PCDHA3: variants seen among roughly 807,000 people sequenced by gnomAD.
PCDHA3 encodes the protein protocadherin alpha-3.
A neutral mutation model predicts 62.2 loss-of-function variants in PCDHA3; 41 were observed. That is an observed-to-expected ratio of 0.66 (90% CI 0.51 to 0.86). The LOEUF is 0.86. PCDHA3 is among the 40% of genes least tolerant of loss of function. PCDHA3 has a pLI of 0.00. For synonymous variants in PCDHA3, 640 were observed against 555.4 expected, an observed-to-expected ratio of 1.15 and a Z score of -2.14; for missense variants, 1,304 against 1,241.2, an observed-to-expected ratio of 1.05 and a Z score of -0.76.
Position 141,010,072 on chromosome 5 carries a change from C to T in PCDHA3, c.*135C>T. The T allele has an allele frequency of 3.1e-6, 5 of 1,606,334 alleles. No individual in the cohort carries two copies. The highest frequency in any genetic ancestry group is 4.3e-6 in the Non-Finnish European group (5 of 1,176,104). On this transcript the variant is annotated 3_prime_UTR_variant, in exon 4 of 4. Transcript: ENST00000522353. Reference sequence around the variant, plus strand: ...ACCTCAGAAATCTGCAGAAAGTTCCCTGTGTCTGTCTAGAACGCATTTAAC... The same window carrying T: ...ACCTCAGAAATCTGCAGAAAGTTCCTTGTGTCTGTCTAGAACGCATTTAAC...
intron 1 of PCDHA3, chr5:140,875,665 C>A: frequency 6.2e-7 from 1 of 1,613,748 alleles, no homozygotes; most frequent in Non-Finnish European, 8.5e-7. Flanking sequence ...GCGCCTGTTC[C>A]GGGTGGCGTC....
At chr5:140,840,247 T>C (rs1554137745) in intron 1 of PCDHA3, among the ~76,000 whole-genome samples, 1 of 152,032 alleles carries the variant, frequency 6.6e-6, no homozygotes, top group African/African-American at 2.4e-5. Context: ...CACTATGCTA[T>C]AAAAATTGTG....
At chr5:141,004,054 G>A (rs2098150015) in intron 3 of PCDHA3, among the ~76,000 whole-genome samples, 1 of 152,216 alleles carries the variant, frequency 6.6e-6, no homozygotes, top group Admixed American at 6.5e-5. Flanking sequence ...TGCTGATACT[G>A]GCCCCTGGTT....
chr5:140,808,132 C>T (rs781898049), intron 1 of PCDHA3: 1 of 1,614,014 alleles, frequency 6.2e-7, no homozygotes, highest in South Asian at 1.1e-5. Flanking sequence ...AAAGCAAATC[C>T]TATGAAATTA....
In PCDHA3 at chr5:140,990,889, G is replaced by A. The variant is rs569864202; in HGVS notation, c.2542+8326G>A. Among the ~76,000 whole-genome samples, 53 of 152,284 alleles carry A rather than the reference G, an allele frequency of 3.5e-4. 2 individuals are homozygous for A. The South Asian group carries it at 8.3e-3, about 24-fold the overall frequency. Reference sequence around the variant, plus strand: ...TTTAAGTGTATGTTCCAGTGAGTGGGTCGTTGCTGGGTCAAGTTTTATAAG... The same window carrying A: ...TTTAAGTGTATGTTCCAGTGAGTGGATCGTTGCTGGGTCAAGTTTTATAAG... On this transcript the variant is annotated intron_variant, in intron 3 of 3. Transcript: ENST00000522353.
chr5:140,929,614 A>G (rs1554207224), intron 1 of PCDHA3: 1 of 405,948 alleles, frequency 2.5e-6, no homozygotes, highest in African/African-American at 2.1e-5. Context: ...ATAAAATACC[A>G]AAATATTTTA....
rs2150459394 is a variant in PCDHA3 at position 140,849,947 on chromosome 5, G to T, written c.2394+46356G>T. On this transcript the variant is annotated intron_variant, in intron 1 of 3. Transcript: ENST00000522353. The stretch of plus-strand genomic sequence containing the variant: ...CGGTGTCTGCGCGGGACGCTGACGC[G>T]CAGGAGAACGCCCTGGTGTCCTACT... 4 of 1,597,722 alleles carry T rather than the reference G, an allele frequency of 2.5e-6. No homozygotes were observed. In the African/African-American group the frequency reaches 4.0e-5, roughly 16 times the overall value.
chr5:140,966,529 G>C (rs1382443921), intron 1 of PCDHA3: 5 of 446,974 alleles, frequency 1.1e-5, no homozygotes, highest in Non-Finnish European at 1.9e-5. Flanking sequence ...GCCGAGCCGG[G>C]TTGAGCGACT....
chr5:140,823,316 G>A lies in PCDHA3; in HGVS notation c.2394+19725G>A. The A allele has an allele frequency of 1.2e-6, 2 of 1,612,306 alleles. No individual in the cohort carries two copies. The highest frequency in any genetic ancestry group is 1.1e-5 in the South Asian group (1 of 91,014). On this transcript the variant is annotated intron_variant, in intron 1 of 3. Coordinates refer to ENST00000522353, the MANE Select transcript of PCDHA3 (RefSeq NM_018906.3). ...TACGTTTCGGTGCACGCGGAGAGCG[G>A]CAAGGTGTACGCGCTGCAGCCGCTG...
chr5:140,840,084 T>A (rs982040414), intron 1 of PCDHA3, among the ~76,000 whole-genome samples: 2 of 151,904 alleles, frequency 1.3e-5, no homozygotes, highest in Non-Finnish European at 2.9e-5. Context: ...AAAGATAAAC[T>A]TGTTGAAGAT....
At chr5:140,978,648 T>C (rs2096814311) in intron 1 of PCDHA3, among the ~76,000 whole-genome samples, 1 of 152,264 alleles carries the variant, frequency 6.6e-6, no homozygotes, top group African/African-American at 2.4e-5. Flanking sequence ...CAGACTGTTC[T>C]TCCCGTAGTG....
At chr5:140,828,468 T>C in intron 1 of PCDHA3, 1 of 1,614,148 alleles carries the variant, frequency 6.2e-7, no homozygotes, top group Non-Finnish European at 8.5e-7. Flanking sequence ...GTGAGGGACA[T>C]TAACGACAAC....
Position 140,836,433 on chromosome 5 carries a change from T to C in PCDHA3, c.2394+32842T>C, listed in dbSNP as rs2150260977. The C allele has an allele frequency of 1.3e-4, 215 of 1,613,692 alleles. 2 individuals are homozygous for C. Among genetic ancestry groups the C allele is most frequent in the Non-Finnish European group, 2.4e-5 (28 of 1,179,856 alleles). ...ACCAAAGGCGTCGTCGCGGGCATCG[T>C]TGGGCATTGCAGGCCCAGAGACCGA... On this transcript the variant is annotated intron_variant, in intron 1 of 3. Transcript: ENST00000522353.
Position 140,802,294 on chromosome 5 carries a change from G to A in PCDHA3, c.1097G>A (p.Ser366Asn), listed in dbSNP as rs992529407. 6.2e-7 allele frequency: 1 copy of A among 1,614,204 alleles called. No homozygotes were observed. Among genetic ancestry groups the A allele is most frequent in the African/African-American group, 1.3e-5 (1 of 75,054 alleles). The change falls in exon 1 of 4, where the codon AGC becomes AAC. Residue 366 changes from serine (S) to asparagine (N), a missense_variant. Coordinates refer to ENST00000522353, the MANE Select transcript of PCDHA3 (RefSeq NM_018906.3). ...SLPVLEDSPL[S>N]TVIALISVSD... Reference sequence around the variant, plus strand: ...CCTGTATTAGAAGACTCTCCACTTAGCACAGTCATCGCTCTGATCAGCGTG... The same window carrying A: ...CCTGTATTAGAAGACTCTCCACTTAACACAGTCATCGCTCTGATCAGCGTG...
At chr5:140,861,665 C>T (rs2047014898) in intron 1 of PCDHA3, 1 of 258,604 alleles carries the variant, frequency 3.9e-6, no homozygotes, top group Admixed American at 4.5e-5. Context: ...AACGAGAGCT[C>T]TTGATTATCG....
At chr5:140,807,331 C>T in intron 1 of PCDHA3, 3 of 1,613,662 alleles carry the variant, frequency 1.9e-6, no homozygotes, top group South Asian at 2.2e-5. Flanking sequence ...TGGGCCGCAT[C>T]GCGCAGGACC....
intron 1 of PCDHA3, chr5:140,883,301 G>C (rs1380648584): frequency 1.2e-6 from 2 of 1,613,968 alleles, no homozygotes; most frequent in African/African-American, 1.3e-5. Flanking sequence ...AGATGTAAAT[G>C]ATAACGCCCC....
chr5:140,963,301 A>T (rs2095755158), intron 1 of PCDHA3, among the ~76,000 whole-genome samples: 1 of 152,238 alleles, frequency 6.6e-6, no homozygotes, highest in Non-Finnish European at 1.5e-5. Flanking sequence ...GAGAGAAAAT[A>T]AGAAGCTGTT....
intron 1 of PCDHA3, chr5:140,821,950 G>C (rs1484669831): frequency 6.2e-7 from 1 of 1,614,058 alleles, no homozygotes; most frequent in Non-Finnish European, 8.5e-7. Flanking sequence ...GGCGGAGCTG[G>C]TGCCGCGCCT....
Sources: allele counts gnomAD v4.1 joint callset (sites outside exome capture counted in the v4.1 genomes callset), GRCh38; gene constraint gnomAD v4.1.1; transcripts MANE v1.5; gene names NCBI Gene and HGNC (gene_info 2026-07-23, HGNC 2026-07-21).